EGR3: variants seen among roughly 807,000 people sequenced by gnomAD.
The protein encoded by EGR3 is early growth response protein 3.
In EGR3, 4 loss-of-function variants were observed where a neutral mutation model predicts 22.4. The observed-to-expected ratio is 0.18, with a 90% CI of 0.09 to 0.41. EGR3 has a LOEUF of 0.41. EGR3 is among the 10% of genes least tolerant of loss of function. EGR3 has a pLI of 1.00. For missense variants in EGR3, 315 were observed against 541.3 expected, an observed-to-expected ratio of 0.58 and a Z score of 4.15; for synonymous variants, 219 against 226.8, an observed-to-expected ratio of 0.97 and a Z score of 0.31.
chr8:22,690,916 G>T lies in EGR3; in HGVS notation c.721C>A (p.Pro241Thr), dbSNP rs778002695. The change falls in exon 2 of 2, where the codon CCG (proline) becomes ACG (threonine). Residue 241 changes from proline (P) to threonine (T), a missense_variant. Coordinates refer to ENST00000317216, the MANE Select transcript of EGR3 (RefSeq NM_004430.3). ...IKAFKDKQIH[P>T]GFGSLPQPPL... The stretch of plus-strand genomic sequence containing the variant: ...GGCTGGGGCAGGCTGCCAAAGCCCG[G>T]GTGGATCTGCTTGTCTTTGAATGCC... 1.9e-6 allele frequency: 3 copies of T among 1,572,016 alleles called. No individual in the cohort carries two copies. The African/African-American group carries it at 4.0e-5, about 21-fold the overall frequency.
Position 22,689,237 on chromosome 8 carries a change from A to C in EGR3, c.*1236T>G, listed in dbSNP as rs1257614706. ...AGAGATTTTATTTTGCTAGGAATAC[A>C]TATTGTGTGTATGTTATGTATATGT... On this transcript the variant is annotated 3_prime_UTR_variant, in exon 2 of 2. Coordinates refer to ENST00000317216, the MANE Select transcript of EGR3 (RefSeq NM_004430.3). 6.6e-6 allele frequency: 1 copy of C among 152,558 alleles called. No homozygotes were observed. Among genetic ancestry groups the C allele is most frequent in the African/African-American group, 2.4e-5 (1 of 41,464 alleles). The allele number at this position is 152,558 out of a possible 1,614,324, so 9.5% of individuals were successfully genotyped here. A position where few individuals can be genotyped will look rare whatever the true frequency, so the allele number is the denominator to read the frequency against.
At position 22,692,887 on chromosome 8, in the gene EGR3, G is replaced by A; in HGVS notation, c.58C>T (p.Leu20=). ...PVTMSSLLNQ[L]PDNLYPEEIP... ...TCCTCGGGGTACAGATTGTCAGGCAGTTGGTTTAGCAAACTGCTCATGGTC... is the reference window on the plus strand; with the variant it reads ...TCCTCGGGGTACAGATTGTCAGGCAATTGGTTTAGCAAACTGCTCATGGTC... Residue 20 remains leucine (L), a synonymous_variant, in exon 1 of 2, where the codon CTG becomes TTG. Coordinates refer to ENST00000317216, the MANE Select transcript of EGR3 (RefSeq NM_004430.3). The surrounding 1 kb of genome is among the most constrained non-coding windows in gnomAD (Gnocchi z 6.2). 6.2e-7 allele frequency: 1 copy of A among 1,613,228 alleles called. No individual in the cohort carries two copies. Among genetic ancestry groups the A allele is most frequent in the South Asian group, 1.1e-5 (1 of 91,008 alleles).
Position 22,692,773 on chromosome 8 carries a change from C to G in EGR3, c.154+18G>C. 6.2e-7 allele frequency: 1 copy of G among 1,612,436 alleles called. No individual in the cohort carries two copies. The highest frequency in any genetic ancestry group is 8.5e-7 in the Non-Finnish European group (1 of 1,179,450). ...CCCTTCCTTCCTCGCTGCCTCGCCGCCTCCCCGCCGCCCTTACCTGTAGCC... is the reference window on the plus strand; with the variant it reads ...CCCTTCCTTCCTCGCTGCCTCGCCGGCTCCCCGCCGCCCTTACCTGTAGCC... On this transcript the variant is annotated intron_variant, in intron 1 of 1. Coordinates refer to ENST00000317216, the MANE Select transcript of EGR3 (RefSeq NM_004430.3). This position sits in a 1 kb window ranked among gnomAD's most constrained non-coding sequence, Gnocchi z 6.2.
rs1395028132 is a variant in EGR3 at position 22,688,276 on chromosome 8, C to T, written c.*2197G>A. 1 of 152,560 alleles carries T rather than the reference C, an allele frequency of 6.6e-6. No homozygotes were observed. Among genetic ancestry groups the T allele is most frequent in the East Asian group, 1.9e-4 (1 of 5,200 alleles). 9.5% of individuals were successfully genotyped at this position (152,560 alleles called of 1,614,324 possible). ...ATTATCATGCAGTGACATGCATATA[C>T]CAGAAGGAGCGAGGAAAAAATATTA... On this transcript the variant is annotated 3_prime_UTR_variant, in exon 2 of 2. Transcript: ENST00000317216.
rs1376507578 is a variant in EGR3, at chr8:22,690,547, C to G, written c.1090G>C (p.Glu364Gln). Residue 364 changes from glutamate (E) to glutamine (Q), a missense_variant, in exon 2 of 2, where the codon GAG becomes CAG. By Grantham distance (29) the Glu-to-Gln change is conservative (BLOSUM62 2). Transcript: ENST00000317216. ...IHLKQKEKKAEKGGAPSASSA... is the reference protein window; with the variant it reads ...IHLKQKEKKAQKGGAPSASSA... The stretch of plus-strand genomic sequence containing the variant: ...GATGCAGAGGGTGCACCGCCCTTCT[C>G]CGCCTTCTTCTCCTTTTGCTTGAGG... 6.2e-7 allele frequency: 1 copy of G among 1,613,588 alleles called. No homozygotes were observed. The highest frequency in any genetic ancestry group is 1.3e-5 in the African/African-American group (1 of 74,948).
chr8:22,691,926 G>A (rs1275344552), intron 1 of EGR3: 4 of 1,235,614 alleles, frequency 3.2e-6, no homozygotes, highest in Non-Finnish European at 4.1e-6. Context: ...TCCCTCCCCG[G>A]CGATGCCCCC....
chr8:22,693,086 G>A lies in EGR3; in HGVS notation c.-142C>T, dbSNP rs1183646148. 23 of 793,980 alleles carry A rather than the reference G, an allele frequency of 2.9e-5. No individual in the cohort carries two copies. Among genetic ancestry groups the A allele is most frequent in the Non-Finnish European group, 4.2e-5 (23 of 552,084 alleles). 49.2% of individuals were successfully genotyped at this position (793,980 alleles called of 1,614,324 possible). A position where few individuals can be genotyped will look rare whatever the true frequency, so the allele number is the denominator to read the frequency against. ...GCGAGAGGGAAAGTTCGGGGGGAGG[G>A]GGGAGGGAAGAAGGGAAGGGATGGG... On this transcript the variant is annotated 5_prime_UTR_variant, in exon 1 of 2. Transcript: ENST00000317216.
In EGR3 at chr8:22,692,532, G is replaced by A; in HGVS notation, c.154+259C>T. 7.2e-7 allele frequency: 1 copy of A among 1,398,000 alleles called. No individual in the cohort carries two copies. The highest frequency in any genetic ancestry group is 9.3e-7 in the Non-Finnish European group (1 of 1,078,204). The allele number at this position is 1,398,000 out of a possible 1,614,324, so 86.6% of individuals were successfully genotyped here. ...GGTCGGCGGCTGCCCCCACCCGGGA[G>A]AACCGAAGCCTCTACCGTGGCGTCG... On this transcript the variant is annotated intron_variant, in intron 1 of 1. Transcript: ENST00000317216. The surrounding 1 kb of genome is among the most constrained non-coding windows in gnomAD (Gnocchi z 6.2).
chr8:22,690,962 A>T lies in EGR3; in HGVS notation c.675T>A (p.Ile225=), dbSNP rs1472669875. Residue 225 remains isoleucine (I), a synonymous_variant, in exon 2 of 2, where the codon ATT becomes ATA. Coordinates refer to ENST00000317216, the MANE Select transcript of EGR3 (RefSeq NM_004430.3). The stretch of plus-strand genomic sequence containing the variant: ...ATGCCTTGATGGTCTCCAGAGGGGT[A>T]ATAGGGGGCGGGTTGACCCGGATGG... ...MDPIRVNPPP[I]TPLETIKAFK... is the part of the protein sequence containing the mutation. 1.3e-6 allele frequency: 2 copies of T among 1,566,950 alleles called. No homozygotes were observed. The highest frequency in any genetic ancestry group is 1.7e-6 in the Non-Finnish European group (2 of 1,154,236).
chr8:22,690,252 T>C lies in EGR3; in HGVS notation c.*221A>G, dbSNP rs959293282. ...TTTCCGCCCCCACGCCTTGGCTAAG[T>C]GGGGGACCGCGAGGGGAAGGCGCCT... On this transcript the variant is annotated 3_prime_UTR_variant, in exon 2 of 2. Coordinates refer to ENST00000317216, the MANE Select transcript of EGR3 (RefSeq NM_004430.3). 1 of 572,182 alleles carries C rather than the reference T, an allele frequency of 1.7e-6. No homozygotes were observed. The highest frequency in any genetic ancestry group is 1.9e-5 in the African/African-American group (1 of 52,734). 35.4% of individuals were successfully genotyped at this position (572,182 alleles called of 1,614,324 possible).
Position 22,690,449 on chromosome 8 carries a change from A to T in EGR3, c.*24T>A. 1 of 1,572,854 alleles carries T rather than the reference A, an allele frequency of 6.4e-7. No individual in the cohort carries two copies. Among genetic ancestry groups the T allele is most frequent in the Non-Finnish European group, 8.6e-7 (1 of 1,156,728 alleles). On this transcript the variant is annotated 3_prime_UTR_variant, in exon 2 of 2. Coordinates refer to ENST00000317216, the MANE Select transcript of EGR3 (RefSeq NM_004430.3). ...CAGCCGGGAGGCACTGGAGGGGAAA[A>T]GTGGGGATCTGGGGGCCCGATCCTC...
Position 22,693,048 on chromosome 8 carries a change from A to T in EGR3, c.-104T>A. 1 of 769,226 alleles carries T rather than the reference A, an allele frequency of 1.3e-6. No homozygotes were observed. Among genetic ancestry groups the T allele is most frequent in the Non-Finnish European group, 1.8e-6 (1 of 547,878 alleles). 47.7% of individuals were successfully genotyped at this position (769,226 alleles called of 1,614,324 possible). A position where few individuals can be genotyped will look rare whatever the true frequency, so the allele number is the denominator to read the frequency against. ...GCATCCGAGAGGCGATCCGTGGTGC[A>T]GGGGAAAAGCATGCGAGAGGGAAAG... On this transcript the variant is annotated 5_prime_UTR_variant, in exon 1 of 2. Transcript: ENST00000317216.
In EGR3 at chr8:22,689,005, A is replaced by T. The variant is rs78128403; in HGVS notation, c.*1468T>A. The T allele has an allele frequency of 0.057, 8,745 of 152,754 alleles. 354 individuals are homozygous for T. The highest frequency in any genetic ancestry group is 0.078 in the Non-Finnish European group (5,296 of 68,020). The allele number at this position is 152,754 out of a possible 1,614,324, so 9.5% of individuals were successfully genotyped here. A position where few individuals can be genotyped will look rare whatever the true frequency, so the allele number is the denominator to read the frequency against. On this transcript the variant is annotated 3_prime_UTR_variant, in exon 2 of 2. Coordinates refer to ENST00000317216, the MANE Select transcript of EGR3 (RefSeq NM_004430.3). The stretch of plus-strand genomic sequence containing the variant: ...GATGTGTATATGTGTATACACACAT[A>T]TCCATACATAGATGTGTATATGTGT...
Position 22,692,104 on chromosome 8 carries a change from C to T in EGR3, c.155-622G>A, listed in dbSNP as rs1399484061. On this transcript the variant is annotated intron_variant, in intron 1 of 1. Transcript: ENST00000317216. The surrounding 1 kb of genome is among the most constrained non-coding windows in gnomAD (Gnocchi z 6.2). ...TTGCTGGAGGGGAAAATCCTAGCCCCAGCTAGGGAGGGTGGAGAGCGGCGG... is the reference window on the plus strand; with the variant it reads ...TTGCTGGAGGGGAAAATCCTAGCCCTAGCTAGGGAGGGTGGAGAGCGGCGG... 7.3e-7 allele frequency: 1 copy of T among 1,362,300 alleles called. No individual in the cohort carries two copies. Among genetic ancestry groups the T allele is most frequent in the East Asian group, 3.0e-5 (1 of 33,082 alleles). The allele number at this position is 1,362,300 out of a possible 1,614,324, so 84.4% of individuals were successfully genotyped here.
At position 22,690,492 on chromosome 8, in the gene EGR3, A is replaced by G. The variant is rs1354608257; in HGVS notation, c.1145T>C (p.Val382Ala). The G allele has an allele frequency of 6.2e-7, 1 of 1,607,090 alleles. No homozygotes were observed. Among genetic ancestry groups the G allele is most frequent in the Non-Finnish European group, 8.5e-7 (1 of 1,176,062 alleles). The change falls in exon 2 of 2, where the codon GTG becomes GCG. Residue 382 changes from valine (V) to alanine (A), a missense_variant. Around this residue, in one of 4 missense-constraint regions of EGR3, gnomAD observed 38 missense variants for 37.5 expected, o/e 1.01. Transcript: ENST00000317216. ...SSAPPVSLAP[V>A]VTTCA ...CGATCCTCAGGCGCAGGTGGTGACCACGGGGGCCAGCGACACGGGGGGCGC... is the reference window on the plus strand; with the variant it reads ...CGATCCTCAGGCGCAGGTGGTGACCGCGGGGGCCAGCGACACGGGGGGCGC...
In EGR3 at chr8:22,689,608, G is replaced by C. The variant is rs944689518; in HGVS notation, c.*865C>G. The C allele has an allele frequency of 6.6e-6, 1 of 152,596 alleles. No homozygotes were observed. The highest frequency in any genetic ancestry group is 1.5e-5 in the Non-Finnish European group (1 of 68,042). The allele number at this position is 152,596 out of a possible 1,614,324, so 9.5% of individuals were successfully genotyped here. On this transcript the variant is annotated 3_prime_UTR_variant, in exon 2 of 2. Transcript: ENST00000317216. ...AATACACATATATTTTAAAAGGCAG[G>C]CTCAGCGATGGCTGCTCTTTCTCCC...
In EGR3 at chr8:22,692,064, A is replaced by G. The variant is rs2128745159; in HGVS notation, c.155-582T>C. On this transcript the variant is annotated intron_variant, in intron 1 of 1. Transcript: ENST00000317216. The surrounding 1 kb of genome is among the most constrained non-coding windows in gnomAD (Gnocchi z 6.2). ...CCGGCCCCAGCCTCCTCGGGCATGA[A>G]GGAGCTTTAGGCTCTTGCTGGAGGG... The G allele has an allele frequency of 7.5e-7, 1 of 1,325,040 alleles. No homozygotes were observed. Among genetic ancestry groups the G allele is most frequent in the Non-Finnish European group, 9.6e-7 (1 of 1,039,940 alleles). 82.1% of individuals were successfully genotyped at this position (1,325,040 alleles called of 1,614,324 possible).
In EGR3 at chr8:22,689,254, T is replaced by A. The variant is rs879005714; in HGVS notation, c.*1219A>T. On this transcript the variant is annotated 3_prime_UTR_variant, in exon 2 of 2. Transcript: ENST00000317216. ...AGGAATACATATTGTGTGTATGTTA[T>A]GTATATGTACGCATGTGCATCTTTA... 1 of 152,590 alleles carries A rather than the reference T, an allele frequency of 6.6e-6. No homozygotes were observed. The highest frequency in any genetic ancestry group is 1.5e-5 in the Non-Finnish European group (1 of 68,046). The allele number at this position is 152,590 out of a possible 1,614,324, so 9.5% of individuals were successfully genotyped here.
chr8:22,692,797 C>T lies in EGR3; in HGVS notation c.148G>A (p.Ala50Thr). The T allele has an allele frequency of 6.2e-7, 1 of 1,613,650 alleles. No homozygotes were observed. Among genetic ancestry groups the T allele is most frequent in the East Asian group, 2.2e-5 (1 of 44,860 alleles). The change falls in exon 1 of 2, where the codon GCT (alanine) becomes ACT (threonine). Residue 50 changes from alanine to threonine, a missense_variant. By Grantham distance (58) the Ala-to-Thr change is moderately conservative (BLOSUM62 0). This residue lies in a region of EGR3 where 227 missense variants were observed against 303.6 expected (regional missense o/e 0.75). Coordinates refer to ENST00000317216, the MANE Select transcript of EGR3 (RefSeq NM_004430.3). This position sits in a 1 kb window ranked among gnomAD's most constrained non-coding sequence, Gnocchi z 6.2. ...GCCTCCCCGCCGCCCTTACCTGTAG[C>T]CATCTGATTGTAATGGACTACCGAG... The part of the protein sequence containing the change: ...SDSVVHYNQM[A>T]TENVMDIGLT...
Sources: allele counts gnomAD v4.1 joint callset, GRCh38; gene constraint gnomAD v4.1.1; regional missense constraint gnomAD v4.1.1; non-coding constraint Gnocchi (gnomAD v3.1); transcripts MANE v1.5; gene names NCBI Gene and HGNC (gene_info 2026-07-23, HGNC 2026-07-21).